MINDY2: variants seen among roughly 807,000 people sequenced by gnomAD.
MINDY2 encodes ubiquitin carboxyl-terminal hydrolase MINDY-2.
MINDY2 carries 52 observed loss-of-function variants against 68.2 expected under a neutral mutation model. The observed-to-expected ratio is 0.76, with a 90% CI of 0.61 to 0.96. MINDY2 has a LOEUF of 0.96. MINDY2 is among the 40% of genes least tolerant of loss of function. The probability of loss-of-function intolerance (pLI) is 0.00; values close to 1 mark genes in which losing one functional copy is unlikely to be tolerated. For synonymous variants in MINDY2, 372 were observed against 303.0 expected, an observed-to-expected ratio of 1.23 and a Z score of -2.36; for missense variants, 881 against 773.4, an observed-to-expected ratio of 1.14 and a Z score of -1.65.
At chr15:58,829,637 C>T (rs8029301) in intron 5 of MINDY2, among the ~76,000 whole-genome samples, 29,429 of 152,038 alleles carry the variant, frequency 0.19, 2,993 homozygotes, top group South Asian at 0.35. Context: ...CTTTTAAAAA[C>T]ATCTTTCTGA....
In MINDY2 at chr15:58,854,741, C is replaced by T. The variant is rs1024069198; in HGVS notation, c.*131C>T. ...GATTTTGTTCGTTTTTTCAGGGGAA[C>T]GGTTGTTACTTAGTTACAATCAGAC... On this transcript the variant is annotated 3_prime_UTR_variant, in exon 9 of 9. Transcript: ENST00000559228. The T allele has an allele frequency of 1.0e-5, 11 of 1,048,256 alleles. No individual in the cohort carries two copies. The Admixed American group carries it at 2.2e-4, about 21-fold the overall frequency. The allele number at this position is 1,048,256 out of a possible 1,614,324, so 64.9% of individuals were successfully genotyped here.
chr15:58,831,988 C>T (rs928492549), intron 6 of MINDY2, 72 bp downstream of exon 6: 5 of 1,354,018 alleles, frequency 3.7e-6, no homozygotes, highest in Admixed American at 2.6e-5. Flanking sequence ...GTCTTTTGAT[C>T]TGCTTATAAA....
chr15:58,796,812 T>G (rs1248755175), intron 2 of MINDY2, among the ~76,000 whole-genome samples: 2 of 152,228 alleles, frequency 1.3e-5, no homozygotes, highest in African/African-American at 4.8e-5. Context: ...CATTAGCCAC[T>G]GCACCTGGCC....
Position 58,771,305 on chromosome 15 carries a change from G to C in MINDY2, c.-91G>C. ...CTGACCGAGGCCGCGCCAGGGCGCT[G>C]TTGCTGCCAATACAGCTGTCATGGC... On this transcript the variant is annotated 5_prime_UTR_variant, in exon 1 of 9. Coordinates refer to ENST00000559228, the MANE Select transcript of MINDY2 (RefSeq NM_001040450.3). 3 of 1,513,334 alleles carry C rather than the reference G, an allele frequency of 2.0e-6. No individual in the cohort carries two copies. The highest frequency in any genetic ancestry group is 2.6e-6 in the Non-Finnish European group (3 of 1,134,266). 93.7% of individuals were successfully genotyped at this position (1,513,334 alleles called of 1,614,324 possible).
intron 6 of MINDY2, among the ~76,000 whole-genome samples, chr15:58,843,691 G>A (rs1480137342): frequency 4.0e-5 from 6 of 151,708 alleles, no homozygotes; most frequent in South Asian, 2.1e-4. Context: ...AAAATTAGCC[G>A]GGCGTGGTGG....
At chr15:58,806,378 G>A (rs1218473549) in intron 3 of MINDY2, among the ~76,000 whole-genome samples, 2 of 134,908 alleles carry the variant, frequency 1.5e-5, no homozygotes, top group African/African-American at 5.7e-5. Flanking sequence ...TTTTTTTTGA[G>A]ACAGGGTCTC....
At chr15:58,781,178 T>C (rs1189682229) in intron 1 of MINDY2, among the ~76,000 whole-genome samples, 1 of 152,136 alleles carries the variant, frequency 6.6e-6, no homozygotes, top group African/African-American at 2.4e-5. Context: ...GCATCCCAAG[T>C]ACCTGAGATT....
intron 5 of MINDY2, among the ~76,000 whole-genome samples, chr15:58,824,571 T>A (rs1567062993): frequency 6.6e-6 from 1 of 152,078 alleles, no homozygotes; most frequent in Admixed American, 6.6e-5. Flanking sequence ...TTAACTCCAA[T>A]GGTTACTTGT....
At chr15:58,832,305 C>T (rs1418538392) in intron 6 of MINDY2, among the ~76,000 whole-genome samples, 1 of 150,366 alleles carries the variant, frequency 6.7e-6, no homozygotes, top group Admixed American at 6.6e-5. Flanking sequence ...CGGCTCACTG[C>T]AACCTCTGCC....
chr15:58,783,462 A>G (rs1468499551), intron 1 of MINDY2, among the ~76,000 whole-genome samples: 2 of 152,146 alleles, frequency 1.3e-5, no homozygotes, highest in Non-Finnish European at 2.9e-5. Flanking sequence ...CCCTGCATTT[A>G]TCTTTTCCTT....
At position 58,854,750 on chromosome 15, in the gene MINDY2, C is replaced by G. The variant is rs2033003181; in HGVS notation, c.*140C>G. 2 of 938,906 alleles carry G rather than the reference C, an allele frequency of 2.1e-6. No homozygotes were observed. The highest frequency in any genetic ancestry group is 3.8e-5 in the South Asian group (2 of 53,066). The allele number at this position is 938,906 out of a possible 1,614,324, so 58.2% of individuals were successfully genotyped here. On this transcript the variant is annotated 3_prime_UTR_variant, in exon 9 of 9. Transcript: ENST00000559228. ...CGTTTTTTCAGGGGAACGGTTGTTA[C>G]TTAGTTACAATCAGACTTTTTCAAG...
intron 5 of MINDY2, among the ~76,000 whole-genome samples, chr15:58,828,752 G>A (rs1373433098): frequency 6.6e-6 from 1 of 151,422 alleles, no homozygotes; most frequent in African/African-American, 2.4e-5. Flanking sequence ...TAGTAGAGAC[G>A]GGGTTTCACC....
intron 2 of MINDY2, 115 bp from the exon 3 acceptor site, chr15:58,802,198 A>G: frequency 4.3e-6 from 3 of 696,730 alleles, no homozygotes; most frequent in Admixed American, 6.1e-5. Context: ...AGTCAATTTT[A>G]TATGTCAACT....
chr15:58,839,316 C>CTTTTTTTTGTT (rs1555434699), intron 6 of MINDY2, among the ~76,000 whole-genome samples: 18 of 68,500 alleles, frequency 2.6e-4, no homozygotes, highest in African/African-American at 1.3e-3. Flanking sequence ...TTAAGTTAGA[C>CTTTTTTTTGTT]TGTTTTTTTG....
At chr15:58,786,474 CATTT>C (rs1243269012) in intron 1 of MINDY2, among the ~76,000 whole-genome samples, 1 of 152,192 alleles carries the variant, frequency 6.6e-6, no homozygotes, top group African/African-American at 2.4e-5. Context: ...CCATGTCATT[CATTT>C]GACAACGCAT....
intron 6 of MINDY2, among the ~76,000 whole-genome samples, chr15:58,842,022 T>G (rs568478327): frequency 6.6e-6 from 1 of 152,134 alleles, no homozygotes; most frequent in African/African-American, 2.4e-5. Context: ...TCTGATAACT[T>G]CTGCTTGCTC....
intron 2 of MINDY2, among the ~76,000 whole-genome samples, chr15:58,795,213 TGATAA>T (rs1303498846): frequency 2.0e-5 from 3 of 151,562 alleles, no homozygotes; most frequent in Non-Finnish European, 4.4e-5. Context: ...CTGTGGAAGT[TGATAA>T]GATAATAGAG....
chr15:58,847,214 A>C lies in MINDY2; in HGVS notation c.1369-83A>C. On this transcript the variant is annotated intron_variant, in intron 6 of 8. Transcript: ENST00000559228. ...AATGTTTAATATATTCTGAAGATACAGATTGTAAAACTTTCCTTAAATATT... is the reference window on the plus strand; with the variant it reads ...AATGTTTAATATATTCTGAAGATACCGATTGTAAAACTTTCCTTAAATATT... 3 of 1,080,670 alleles carry C rather than the reference A, an allele frequency of 2.8e-6. No individual in the cohort carries two copies. In the South Asian group the frequency reaches 5.6e-5, roughly 20 times the overall value. The allele number at this position is 1,080,670 out of a possible 1,614,324, so 66.9% of individuals were successfully genotyped here.
At chr15:58,775,851 G>C (rs1420760520) in intron 1 of MINDY2, among the ~76,000 whole-genome samples, 1 of 149,908 alleles carries the variant, frequency 6.7e-6, no homozygotes, top group Non-Finnish European at 1.5e-5. Context: ...TCTCAGTAAA[G>C]AGGCTAAATT....
Sources: gnomAD v4.1 joint callset for allele counts (sites outside exome capture counted in the v4.1 genomes callset) on GRCh38, gnomAD v4.1.1 for gene constraint, MANE v1.5 for transcripts, NCBI Gene and HGNC (gene_info 2026-07-23, HGNC 2026-07-21) for gene names.